MAGI3: variants seen among roughly 807,000 people sequenced by gnomAD.
MAGI3 encodes membrane-associated guanylate kinase, WW and PDZ domain-containing protein 3.
MAGI3 carries 43 observed loss-of-function variants against 121.8 expected under a neutral mutation model. The observed-to-expected ratio is 0.35, with a 90% CI of 0.28 to 0.46. The LOEUF (loss-of-function observed/expected upper bound fraction) is 0.46, where lower values mean the gene tolerates loss of function less well. Among genes scored for constraint, MAGI3 ranks in the 20% least tolerant of loss-of-function variants. MAGI3 has a pLI of 1.00. For missense variants in MAGI3, 1,547 were observed against 1,797.3 expected, an observed-to-expected ratio of 0.86 and a Z score of 2.52; for synonymous variants, 553 against 639.3, an observed-to-expected ratio of 0.86 and a Z score of 2.04.
intron 4 of MAGI3, among the ~76,000 whole-genome samples, chr1:113,589,728 G>C (rs181527570): frequency 1.4e-4 from 21 of 152,128 alleles, no homozygotes; most frequent in Non-Finnish European, 2.4e-4. Context: ...AGTTGTTATA[G>C]TGATATTACA....
At chr1:113,428,328 C>T (rs1653123205) in intron 1 of MAGI3, among the ~76,000 whole-genome samples, 1 of 152,156 alleles carries the variant, frequency 6.6e-6, no homozygotes, top group Non-Finnish European at 1.5e-5. Flanking sequence ...TATGTGAGGG[C>T]TCAAGATTCA....
chr1:113,568,163 AATTGTACT>A (rs1295845497), intron 2 of MAGI3, among the ~76,000 whole-genome samples: 1 of 152,112 alleles, frequency 6.6e-6, no homozygotes, highest in African/African-American at 2.4e-5. Flanking sequence ...AAGTTCACAT[AATTGTACT>A]ATTAGAATTA....
At chr1:113,503,567 C>T (rs1187626495) in intron 1 of MAGI3, among the ~76,000 whole-genome samples, 2 of 152,100 alleles carry the variant, frequency 1.3e-5, no homozygotes, top group East Asian at 1.9e-4. Flanking sequence ...ATACATTATA[C>T]AAGCATTACT....
intron 1 of MAGI3, among the ~76,000 whole-genome samples, chr1:113,482,120 C>T (rs1270002557): frequency 6.6e-6 from 1 of 151,896 alleles, no homozygotes; most frequent in African/African-American, 2.4e-5. Flanking sequence ...AAGATAAAAA[C>T]TGTGAGTTTT....
At chr1:113,490,495 G>A (rs945599978) in intron 1 of MAGI3, among the ~76,000 whole-genome samples, 5 of 151,486 alleles carry the variant, frequency 3.3e-5, no homozygotes, top group Admixed American at 6.6e-5. Context: ...AAATAACCAG[G>A]GTCTGTGACA....
chr1:113,665,319 C>T (rs1653987264), intron 16 of MAGI3, among the ~76,000 whole-genome samples: 1 of 152,022 alleles, frequency 6.6e-6, no homozygotes, highest in Admixed American at 6.5e-5. Flanking sequence ...GTCTCCAAGT[C>T]CTCTATTCTG....
At chr1:113,598,984 A>G (rs1248406546) in intron 6 of MAGI3, among the ~76,000 whole-genome samples, 1 of 152,216 alleles carries the variant, frequency 6.6e-6, no homozygotes, top group East Asian at 1.9e-4. Context: ...TTAGTGCTAT[A>G]AATTTCCCTC....
chr1:113,489,131 A>G (rs1656547620), intron 1 of MAGI3, among the ~76,000 whole-genome samples: 1 of 151,944 alleles, frequency 6.6e-6, no homozygotes, highest in Non-Finnish European at 1.5e-5. Flanking sequence ...CACACCACCT[A>G]TCAGAGTGTA....
chr1:113,423,246 GT>G (rs780554427), intron 1 of MAGI3, among the ~76,000 whole-genome samples: 41 of 110,122 alleles, frequency 3.7e-4, no homozygotes, highest in African/African-American at 5.2e-4. Flanking sequence ...GTAAGTATTC[GT>G]TTTTTTTTTT....
intron 1 of MAGI3, among the ~76,000 whole-genome samples, chr1:113,468,270 A>G (rs1372484219): frequency 6.6e-6 from 1 of 152,026 alleles, no homozygotes; most frequent in Non-Finnish European, 1.5e-5. Flanking sequence ...CTTGTTTGTA[A>G]TTCCTCTCTT....
At chr1:113,682,853 T>C (rs529515064) in intron 20 of MAGI3, 44 bp from the exon 21 acceptor site, 1 of 1,498,346 alleles carries the variant, frequency 6.7e-7, no homozygotes, top group South Asian at 1.4e-5. Context: ...TTCCTATTTG[T>C]AATTCTAAAA....
At chr1:113,596,048 AC>A (rs1557842641) in intron 6 of MAGI3, among the ~76,000 whole-genome samples, 2 of 151,616 alleles carry the variant, frequency 1.3e-5, no homozygotes, top group Non-Finnish European at 2.9e-5. Flanking sequence ...TAATACTAAT[AC>A]TAATACTAAT....
chr1:113,624,768 C>T (rs1651113958), intron 9 of MAGI3, among the ~76,000 whole-genome samples: 1 of 152,188 alleles, frequency 6.6e-6, no homozygotes, highest in South Asian at 2.1e-4. Context: ...TGGAGTATCA[C>T]TGAAGAAATT....
At chr1:113,641,845 C>G (rs1311024962) in intron 9 of MAGI3, 66 bp from the exon 10 acceptor site, 1 of 1,425,200 alleles carries the variant, frequency 7.0e-7, no homozygotes, top group Non-Finnish European at 9.4e-7. Context: ...TTATTTTTGC[C>G]CCTCTAGCAA....
chr1:113,453,449 C>T (rs1459653201), intron 1 of MAGI3, among the ~76,000 whole-genome samples: 2 of 152,104 alleles, frequency 1.3e-5, no homozygotes, highest in Non-Finnish European at 2.9e-5. Context: ...TTTCCCAAAA[C>T]ATTTATCTGT....
In MAGI3 at chr1:113,464,912, G is replaced by A. The variant is rs561254723; in HGVS notation, c.316+73563G>A. Among the ~76,000 whole-genome samples the A allele has an allele frequency of 2.6e-5, 4 of 152,214 alleles. No individual in the cohort carries two copies. In the East Asian group the frequency reaches 7.7e-4, roughly 29 times the overall value. On this transcript the variant is annotated intron_variant, in intron 1 of 20. Transcript: ENST00000307546. ...TCTGATTATTAATCCCTTGTCATAT[G>A]GATAATTTGCAAAGATTTTCTCTCA...
At chr1:113,543,713 C>T (rs935840280) in intron 1 of MAGI3, among the ~76,000 whole-genome samples, 2 of 151,856 alleles carry the variant, frequency 1.3e-5, no homozygotes, top group Non-Finnish European at 2.9e-5. Context: ...ACCAAAAATA[C>T]AAAAATTAAC....
intron 1 of MAGI3, among the ~76,000 whole-genome samples, chr1:113,413,628 C>T (rs1162457651): frequency 6.6e-6 from 1 of 152,054 alleles, no homozygotes; most frequent in Non-Finnish European, 1.5e-5. Flanking sequence ...GTATTTTATT[C>T]CCTTTGTAGC....
chr1:113,436,130 A>G (rs2101437484), intron 1 of MAGI3, among the ~76,000 whole-genome samples: 1 of 152,274 alleles, frequency 6.6e-6, no homozygotes, highest in East Asian at 1.9e-4. Context: ...ATTATAACAT[A>G]TTATAAATTA....
Sources: gnomAD v4.1 joint callset for allele counts (sites outside exome capture counted in the v4.1 genomes callset) on GRCh38, gnomAD v4.1.1 for gene constraint, MANE v1.5 for transcripts, NCBI Gene and HGNC (gene_info 2026-07-23, HGNC 2026-07-21) for gene names.